Variants in GHR observed in about 807,000 individuals in gnomAD.
GHR encodes the protein GH receptor.
Under a neutral mutation model 67.1 loss-of-function variants are expected in GHR, and 35 were observed. The observed-to-expected ratio is 0.52, with a 90% CI of 0.40 to 0.69. The LOEUF is 0.69. Among genes scored for constraint, GHR ranks in the 30% least tolerant of loss-of-function variants. GHR has a pLI of 0.00. For synonymous variants in GHR, 272 were observed against 269.1 expected (o/e 1.01, Z -0.10); for missense variants, 792 against 764.6 (o/e 1.04, Z -0.42).
intron 3 of GHR, among the ~76,000 whole-genome samples, chr5:42,672,301 G>A (rs1756357212): frequency 6.6e-6 from 1 of 152,164 alleles, no homozygotes; most frequent in Admixed American, 6.5e-5. Flanking sequence ...TAAAGTTTCT[G>A]GATACAAAAT....
chr5:42,561,360 C>T (rs919993830), intron 1 of GHR, among the ~76,000 whole-genome samples: 2 of 152,208 alleles, frequency 1.3e-5, no homozygotes, highest in Non-Finnish European at 2.9e-5. Context: ...TCCATAGTGC[C>T]TTGCTCAGTG....
At chr5:42,489,798 T>C (rs1282192853) in intron 1 of GHR, among the ~76,000 whole-genome samples, 1 of 152,200 alleles carries the variant, frequency 6.6e-6, no homozygotes, top group Non-Finnish European at 1.5e-5. Flanking sequence ...TTCATCTTTA[T>C]AAATAAGACT....
At chr5:42,685,455 AC>A (rs1757092462) in intron 3 of GHR, among the ~76,000 whole-genome samples, 1 of 152,176 alleles carries the variant, frequency 6.6e-6, no homozygotes, top group African/African-American at 2.4e-5. Flanking sequence ...TTGGGTATAT[AC>A]CCAGTGATGG....
intron 3 of GHR, among the ~76,000 whole-genome samples, chr5:42,670,879 A>AT (rs1276388869): frequency 0.14 from 14,506 of 100,138 alleles, 713 homozygotes; most frequent in East Asian, 0.34. Flanking sequence ...AAAAAAAAAA[A>AT]AATATATATA....
intron 2 of GHR, among the ~76,000 whole-genome samples, chr5:42,598,110 A>G (rs1268858993): frequency 6.6e-6 from 1 of 152,152 alleles, no homozygotes; most frequent in Non-Finnish European, 1.5e-5. Flanking sequence ...GGAAGGGGAA[A>G]GATGAGAGAG....
intron 1 of GHR, among the ~76,000 whole-genome samples, chr5:42,507,738 T>C (rs143382478): frequency 6.6e-6 from 1 of 152,184 alleles, no homozygotes; most frequent in African/African-American, 2.4e-5. Flanking sequence ...GTTACTCTAG[T>C]CCTGAGAGGG....
At chr5:42,456,653 G>T (rs1027410228) in intron 1 of GHR, among the ~76,000 whole-genome samples, 19 of 152,320 alleles carry the variant, frequency 1.2e-4, no homozygotes, top group Non-Finnish European at 2.8e-4. Context: ...TTGCCTTCCT[G>T]GCTCTTGAAG....
At chr5:42,504,226 T>C in intron 1 of GHR, among the ~76,000 whole-genome samples, 1 of 152,198 alleles carries the variant, frequency 6.6e-6, no homozygotes, top group Non-Finnish European at 1.5e-5. Flanking sequence ...GGAAGTGATA[T>C]GACCACATTC....
chr5:42,668,443 C>A (rs1312221471), intron 3 of GHR, among the ~76,000 whole-genome samples: 1 of 152,070 alleles, frequency 6.6e-6, no homozygotes, highest in African/African-American at 2.4e-5. Flanking sequence ...GCCAGTATCA[C>A]CCTTTACCCC....
chr5:42,490,922 C>T (rs1037559987), intron 1 of GHR, among the ~76,000 whole-genome samples: 16 of 152,136 alleles, frequency 1.1e-4, no homozygotes, highest in African/African-American at 3.6e-4. Context: ...TGAAGAGAAA[C>T]ACATATATTT....
chr5:42,440,645 C>T (rs779966998), intron 1 of GHR, among the ~76,000 whole-genome samples: 1 of 152,116 alleles, frequency 6.6e-6, no homozygotes, highest in Non-Finnish European at 1.5e-5. Flanking sequence ...AGGAGGTCAC[C>T]TGCTCTATTA....
intron 2 of GHR, among the ~76,000 whole-genome samples, chr5:42,584,280 A>G (rs974683441): frequency 6.6e-6 from 1 of 152,118 alleles, no homozygotes; most frequent in African/African-American, 2.4e-5. Context: ...TTTTTTTTAA[A>G]TGAATGTTTA....
At chr5:42,509,986 C>T (rs1746941914) in intron 1 of GHR, among the ~76,000 whole-genome samples, 1 of 152,186 alleles carries the variant, frequency 6.6e-6, no homozygotes, top group African/African-American at 2.4e-5. Flanking sequence ...TTCTATTCAA[C>T]TACCTAGCTG....
chr5:42,546,207 T>C (rs1414024673), intron 1 of GHR, among the ~76,000 whole-genome samples: 2 of 152,140 alleles, frequency 1.3e-5, no homozygotes, highest in African/African-American at 4.8e-5. Flanking sequence ...GCCTGAAAAA[T>C]GAGGTGAAAA....
intron 1 of GHR, chr5:42,549,818 G>A (rs138314480): frequency 0.012 from 2,938 of 249,412 alleles, 24 homozygotes; most frequent in Admixed American, 0.016. Flanking sequence ...TCAGTGTGAA[G>A]AATACATTTT....
chr5:42,549,600 G>A (rs917276673), intron 1 of GHR: 12 of 787,648 alleles, frequency 1.5e-5, no homozygotes, highest in African/African-American at 7.5e-5. Flanking sequence ...GAGTATAGGA[G>A]GCAGCAGGGC....
At chr5:42,600,915 A>ATTTTTTTTTTTTTTTTTT (rs1580026633) in intron 2 of GHR, among the ~76,000 whole-genome samples, 1 of 86,144 alleles carries the variant, frequency 1.2e-5, no homozygotes, top group East Asian at 3.3e-4. Context: ...TATTCTTTCT[A>ATTTTTTTTTTTTTTTTTT]TTCTTTTTTT....
At chr5:42,498,422 C>A (rs879696999) in intron 1 of GHR, among the ~76,000 whole-genome samples, 1 of 152,076 alleles carries the variant, frequency 6.6e-6, no homozygotes, top group Non-Finnish European at 1.5e-5. Context: ...GCAATTCTAC[C>A]CACATTATCT....
intron 3 of GHR, among the ~76,000 whole-genome samples, chr5:42,643,219 C>T (rs1397016820): frequency 1.3e-5 from 2 of 152,154 alleles, no homozygotes; most frequent in Non-Finnish European, 2.9e-5. Context: ...ACCATTTCTC[C>T]AGCACTTAGG....
Sources: gnomAD v4.1 joint callset for allele counts (sites outside exome capture counted in the v4.1 genomes callset) on GRCh38, gnomAD v4.1.1 for gene constraint, MANE v1.5 for transcripts, NCBI Gene and HGNC (gene_info 2026-07-23, HGNC 2026-07-21) for gene names.